YBX1: variants seen among roughly 807,000 people sequenced by gnomAD.
The protein encoded by YBX1 is Y-box-binding protein 1.
YBX1 carries 3 observed loss-of-function variants against 41.4 expected under a neutral mutation model. That is an observed-to-expected ratio of 0.07 (90% confidence interval 0.03 to 0.19). The LOEUF is 0.19. YBX1 is among the 10% of genes least tolerant of loss of function. The pLI, the probability that YBX1 is intolerant of heterozygous loss-of-function variation, is 1.00. For missense variants in YBX1, 274 were observed against 462.8 expected (o/e 0.59, Z 3.74); for synonymous variants, 133 against 165.8 (o/e 0.80, Z 1.52).
intron 2 of YBX1, among the ~76,000 whole-genome samples, chr1:42,686,871 C>G (rs1015364077): frequency 1.3e-5 from 2 of 152,204 alleles, no homozygotes; most frequent in African/African-American, 4.8e-5. Flanking sequence ...AGGATTGGAA[C>G]TGTTTTTTGA....
At chr1:42,691,156 A>G (rs1650319073) in intron 2 of YBX1, among the ~76,000 whole-genome samples, 1 of 152,322 alleles carries the variant, frequency 6.6e-6, no homozygotes, top group African/African-American at 2.4e-5. Context: ...TTAATGGTAT[A>G]ATGTTTTTAT....
At chr1:42,685,625 C>G (rs145059762) in intron 2 of YBX1, among the ~76,000 whole-genome samples, 85 of 152,342 alleles carry the variant, frequency 5.6e-4, no homozygotes, top group African/African-American at 1.8e-3. Flanking sequence ...CAGACTGACA[C>G]ATAACGTGCT....
At chr1:42,693,809 A>C (rs1332014045) in intron 3 of YBX1, among the ~76,000 whole-genome samples, 1 of 152,242 alleles carries the variant, frequency 6.6e-6, no homozygotes, top group South Asian at 2.1e-4. Flanking sequence ...TCAGATGAAC[A>C]GATTATTCCA....
At chr1:42,699,617 TG>T (rs1188020340) in intron 6 of YBX1, among the ~76,000 whole-genome samples, 40 of 133,260 alleles carry the variant, frequency 3.0e-4, no homozygotes, top group African/African-American at 1.0e-3. Context: ...AAATGAGGGT[TG>T]TTTTTTTTTT....
intron 7 of YBX1, among the ~76,000 whole-genome samples, chr1:42,701,735 C>G (rs965989947): frequency 2.6e-5 from 4 of 152,070 alleles, no homozygotes; most frequent in Non-Finnish European, 5.9e-5. Flanking sequence ...ACCCTTAATT[C>G]CAAAATTAAG....
Position 42,696,538 on chromosome 1 carries a change from TTTG to T in YBX1, c.355-98_355-96del, listed in dbSNP as rs1650464586. ...CCCCCCCCCCTTTTTTTTCCTTAAC[TTTG>T]TTGTTTTTTGCTTTGTTTGAAAATG... is the stretch of plus-strand genomic sequence containing the variant. On this transcript the variant is annotated intron_variant, in intron 4 of 7. Transcript: ENST00000321358. The surrounding 1 kb of genome is among the most constrained non-coding windows in gnomAD (Gnocchi z 5.7). 8.2e-6 allele frequency: 3 copies of T among 367,010 alleles called. No homozygotes were observed. Among genetic ancestry groups the T allele is most frequent in the East Asian group, 7.7e-5 (1 of 12,982 alleles). 22.7% of individuals were successfully genotyped at this position (367,010 alleles called of 1,614,324 possible).
rs1650465118 is a variant in YBX1 at position 42,696,560 on chromosome 1, G to A, written c.355-82G>A. The A allele has an allele frequency of 2.1e-6, 1 of 484,060 alleles. No individual in the cohort carries two copies. 30.0% of individuals were successfully genotyped at this position (484,060 alleles called of 1,614,324 possible). Reference sequence around the variant, plus strand: ...AACTTTGTTGTTTTTTGCTTTGTTTGAAAATGTTCTGATTTCCTTTTGAAA... The same window carrying A: ...AACTTTGTTGTTTTTTGCTTTGTTTAAAAATGTTCTGATTTCCTTTTGAAA... On this transcript the variant is annotated intron_variant, in intron 4 of 7. Transcript: ENST00000321358. This position sits in a 1 kb window ranked among gnomAD's most constrained non-coding sequence, Gnocchi z 5.7.
Position 42,700,789 on chromosome 1 carries a change from C to G in YBX1, c.749C>G (p.Pro250Arg). The G allele has an allele frequency of 6.3e-7, 1 of 1,596,822 alleles. No individual in the cohort carries two copies. The change falls in exon 7 of 8, where the codon CCT (proline) becomes CGT (arginine). Residue 250 changes from proline to arginine, a missense_variant. This residue lies in a region of YBX1 where 187 missense variants were observed against 306.3 expected (regional missense o/e 0.61). Transcript: ENST00000321358. Reference sequence around the variant, plus strand: ...GACACCGTTCATTGCAGGGGCCCTCCTCGCCAAAGACAGCCTAGAGAGGAC... The same window carrying G: ...GACACCGTTCATTGCAGGGGCCCTCGTCGCCAAAGACAGCCTAGAGAGGAC... ...GYRPRFRRGP[P>R]RQRQPREDGN...
At chr1:42,685,126 G>A (rs1043973654) in intron 2 of YBX1, among the ~76,000 whole-genome samples, 2 of 148,770 alleles carry the variant, frequency 1.3e-5, no homozygotes, top group African/African-American at 5.2e-5. Flanking sequence ...AGAAGTTTTA[G>A]CATGTGCCTT....
chr1:42,702,539 C>T lies in YBX1; in HGVS notation c.*590C>T, dbSNP rs917641155. Among the ~76,000 whole-genome samples the T allele has an allele frequency of 2.2e-4, 33 of 152,154 alleles. No homozygotes were observed. The highest frequency in any genetic ancestry group is 8.0e-4 in the African/African-American group (33 of 41,430). Reference sequence around the variant, plus strand: ...CATACTAAAAATTAGAAAATACATACTCTGATAACCTGGCCATTTTTCATT... The same window carrying T: ...CATACTAAAAATTAGAAAATACATATTCTGATAACCTGGCCATTTTTCATT... On this transcript the variant is annotated 3_prime_UTR_variant, in exon 8 of 8. Coordinates refer to ENST00000321358, the MANE Select transcript of YBX1 (RefSeq NM_004559.5).
chr1:42,703,361 A>G lies in YBX1; in HGVS notation c.*1412A>G, dbSNP rs950990107. Among the ~76,000 whole-genome samples the G allele has an allele frequency of 3.3e-5, 5 of 152,112 alleles. No homozygotes were observed. Among genetic ancestry groups the G allele is most frequent in the Non-Finnish European group, 7.3e-5 (5 of 68,040 alleles). ...AGCTATCAGGGCCCAGGGGAAGCAG[A>G]CAGTAGGGGTCGGGAGTAGGCCAGA... On this transcript the variant is annotated 3_prime_UTR_variant, in exon 8 of 8. Transcript: ENST00000321358.
chr1:42,683,814 C>T (rs912554734), intron 2 of YBX1, among the ~76,000 whole-genome samples: 1 of 152,162 alleles, frequency 6.6e-6, no homozygotes, highest in Admixed American at 6.5e-5. Flanking sequence ...TCTTTTTCTA[C>T]TTTATTGAAC....
At chr1:42,695,368 C>A (rs1302290008) in intron 3 of YBX1, among the ~76,000 whole-genome samples, 1 of 152,204 alleles carries the variant, frequency 6.6e-6, no homozygotes, top group Non-Finnish European at 1.5e-5. Flanking sequence ...TTTAGAAAGT[C>A]TCCTTACTAA....
In YBX1 at chr1:42,696,183, A is replaced by G; in HGVS notation, c.265-16A>G. 6.3e-7 allele frequency: 1 copy of G among 1,587,402 alleles called. No individual in the cohort carries two copies. On this transcript the variant is annotated splice_polypyrimidine_tract_variant and intron_variant, in intron 3 of 7. Coordinates refer to ENST00000321358, the MANE Select transcript of YBX1 (RefSeq NM_004559.5). This position sits in a 1 kb window ranked among gnomAD's most constrained non-coding sequence, Gnocchi z 5.7. ...TTCTCCCCTGTTAATCTATTTTTGG[A>G]ATGTGATATTACTAGACTGCCATAA... is the stretch of plus-strand genomic sequence containing the variant.
At chr1:42,688,487 A>G (rs1017069897) in intron 2 of YBX1, among the ~76,000 whole-genome samples, 1 of 152,232 alleles carries the variant, frequency 6.6e-6, no homozygotes, top group African/African-American at 2.4e-5. Flanking sequence ...ACTGCACGAC[A>G]TTCACTGTAG....
Position 42,696,519 on chromosome 1 carries a change from C to CCA in YBX1, c.355-122_355-121insAC. The CCA allele has an allele frequency of 1.4e-6, 1 of 727,336 alleles. No individual in the cohort carries two copies. Among genetic ancestry groups the CCA allele is most frequent in the South Asian group, 2.4e-5 (1 of 41,336 alleles). The allele number at this position is 727,336 out of a possible 1,614,324, so 45.1% of individuals were successfully genotyped here. Reference sequence around the variant, plus strand: ...CCTGGTCACGCAGTTGCGCCCCCCCCCCCTTTTTTTTCCTTAACTTTGTTG... The same window carrying CCA: ...CCTGGTCACGCAGTTGCGCCCCCCCCCACCCTTTTTTTTCCTTAACTTTGTTG... On this transcript the variant is annotated intron_variant, in intron 4 of 7. Transcript: ENST00000321358. The surrounding 1 kb of genome is among the most constrained non-coding windows in gnomAD (Gnocchi z 5.7).
chr1:42,685,113 TGAA>T (rs143958793), intron 2 of YBX1, among the ~76,000 whole-genome samples: 2,771 of 149,112 alleles, frequency 0.019, 96 homozygotes, highest in African/African-American at 0.069. Context: ...TTGTATGTGT[TGAA>T]GAAGTTTTAG....
chr1:42,701,538 T>TTG (rs371056693), intron 7 of YBX1, among the ~76,000 whole-genome samples: 2,816 of 152,018 alleles, frequency 0.019, 33 homozygotes, highest in Non-Finnish European at 0.028. Context: ...GTTTTTTTTT[T>TTG]TTGTTGGTTT....
intron 2 of YBX1, among the ~76,000 whole-genome samples, chr1:42,688,216 C>CTTGTTTGAACCACACAAGTGTGT (rs1309631979): frequency 6.6e-6 from 1 of 152,114 alleles, no homozygotes; most frequent in African/African-American, 2.4e-5. Context: ...TTGAACCACA[C>CTTGTTTGAACCACACAAGTGTGT]AAGTCCACTT....
Sources: gnomAD v4.1 joint callset for allele counts (sites outside exome capture counted in the v4.1 genomes callset) on GRCh38, gnomAD v4.1.1 for gene constraint, gnomAD v4.1.1 regional missense constraint, Gnocchi (gnomAD v3.1) non-coding constraint, MANE v1.5 for transcripts, NCBI Gene and HGNC (gene_info 2026-07-23, HGNC 2026-07-21) for gene names.